GPHN: variants seen among roughly 807,000 people sequenced by gnomAD.
GPHN encodes the protein gephyrin.
A neutral mutation model predicts 95.5 loss-of-function variants in GPHN; 17 were observed. The observed-to-expected ratio is 0.18, with a 90% CI of 0.12 to 0.27. GPHN has a LOEUF of 0.27. GPHN is among the 10% of genes least tolerant of loss of function. The probability of loss-of-function intolerance (pLI) is 1.00; values close to 1 mark genes in which losing one functional copy is unlikely to be tolerated. For missense variants in GPHN, 660 were observed against 978.1 expected (o/e 0.67, Z 4.34); for synonymous variants, 320 against 322.5 (o/e 0.99, Z 0.08).
chr14:67,589,469 CT>C, the GPHN span: 1 of 985,038 alleles, frequency 1.0e-6, no homozygotes, highest in South Asian at 4.7e-5. Flanking sequence ...TATTAATGTG[CT>C]TGACACCATG....
chr14:67,171,960 T>C (rs2082625683), intron 21 of GPHN, among the ~76,000 whole-genome samples: 1 of 152,108 alleles, frequency 6.6e-6, no homozygotes, highest in Non-Finnish European at 1.5e-5. Context: ...CTCACAAGCA[T>C]GAAGCCCAGC....
the GPHN span, among the ~76,000 whole-genome samples, chr14:67,507,119 C>T: frequency 1.3e-5 from 2 of 152,126 alleles, no homozygotes; most frequent in African/African-American, 2.4e-5. Flanking sequence ...TTTAGCCTTG[C>T]CCTTTCAGGT....
intron 3 of GPHN, among the ~76,000 whole-genome samples, chr14:66,782,601 C>T (rs900805487): frequency 2.6e-4 from 39 of 152,100 alleles, no homozygotes; most frequent in African/African-American, 8.7e-4. Flanking sequence ...GGGCGGATCA[C>T]GAGGTCAGGA....
the GPHN span, among the ~76,000 whole-genome samples, chr14:67,646,094 C>G: frequency 6.6e-6 from 1 of 152,228 alleles, no homozygotes; most frequent in Admixed American, 6.5e-5. Flanking sequence ...CTCAGACACA[C>G]TGATCTAGAA....
the GPHN span, among the ~76,000 whole-genome samples, chr14:67,563,242 G>A: frequency 6.6e-6 from 1 of 152,200 alleles, no homozygotes; most frequent in African/African-American, 2.4e-5. Context: ...CACTAGGGTT[G>A]AACTGTTAAC....
At chr14:67,571,991 G>A in the GPHN span, 1 of 1,506,590 alleles carries the variant, frequency 6.6e-7, no homozygotes, top group Non-Finnish European at 9.0e-7. Flanking sequence ...GTCCCCACTT[G>A]ATCTGAGCTC....
chr14:67,393,981 G>T, the GPHN span, among the ~76,000 whole-genome samples: 1 of 152,126 alleles, frequency 6.6e-6, no homozygotes, highest in Non-Finnish European at 1.5e-5. Flanking sequence ...ACTTCTGTTT[G>T]TAAGTCCCTA....
At chr14:66,560,756 T>C (rs1415370556) in intron 1 of GPHN, among the ~76,000 whole-genome samples, 1 of 152,198 alleles carries the variant, frequency 6.6e-6, no homozygotes, top group Non-Finnish European at 1.5e-5. Flanking sequence ...CTGATTGTTC[T>C]GGCCAGAACT....
At chr14:67,327,840 AG>A in the GPHN span, among the ~76,000 whole-genome samples, 1 of 152,234 alleles carries the variant, frequency 6.6e-6, no homozygotes, top group African/African-American at 2.4e-5. Context: ...TTGGCTGCAT[AG>A]TATTCCATGG....
At chr14:67,091,680 C>T (rs539063413) in intron 12 of GPHN, among the ~76,000 whole-genome samples, 1 of 151,504 alleles carries the variant, frequency 6.6e-6, no homozygotes, top group East Asian at 1.9e-4. Context: ...GAGCTAGCAG[C>T]AGCTCAATTA....
At chr14:67,691,219 G>T in the GPHN span, 1 of 1,613,844 alleles carries the variant, frequency 6.2e-7, no homozygotes, top group African/African-American at 1.3e-5. Flanking sequence ...CTGCATTGTT[G>T]ATCAAAACGT....
chr14:67,266,866 T>C, the GPHN span, among the ~76,000 whole-genome samples: 2 of 151,990 alleles, frequency 1.3e-5, no homozygotes, highest in Non-Finnish European at 2.9e-5. Flanking sequence ...TCCCAGCATG[T>C]TGGGAGGCCG....
At chr14:66,909,307 A>G (rs1426733613) in intron 5 of GPHN, among the ~76,000 whole-genome samples, 1 of 152,080 alleles carries the variant, frequency 6.6e-6, no homozygotes, top group Non-Finnish European at 1.5e-5. Context: ...AAACGTAAAC[A>G]TTTCTCAATT....
At position 67,111,670 on chromosome 14, in the gene GPHN, G is replaced by A. The variant is rs765578102; in HGVS notation, c.1414-191G>A. ...TGGAGAAAAAAATTTTTTATTTATT[G>A]GCACCAAACCTTCTAATTTTTCAGG... On this transcript the variant is annotated intron_variant, in intron 14 of 22. Coordinates refer to ENST00000478722, the MANE Select transcript of GPHN (RefSeq NM_020806.5). 3.7e-4 allele frequency among the ~76,000 whole-genome samples: 56 copies of A among 152,018 alleles called. 1 individual carries two copies. The highest frequency in any genetic ancestry group is 5.4e-4 in the Non-Finnish European group (37 of 67,938).
chr14:67,408,354 T>TA, the GPHN span, among the ~76,000 whole-genome samples: 4,719 of 134,586 alleles, frequency 0.035, 504 homozygotes, highest in East Asian at 0.35. Context: ...TAAAATAAAA[T>TA]AAAAAAAGAA....
At chr14:67,625,974 C>T in the GPHN span, among the ~76,000 whole-genome samples, 8 of 152,174 alleles carry the variant, frequency 5.3e-5, no homozygotes, top group African/African-American at 1.7e-4. Flanking sequence ...ACTACAATGG[C>T]CGGGTGTGGC....
the GPHN span, among the ~76,000 whole-genome samples, chr14:67,430,901 A>T: frequency 1.3e-4 from 20 of 152,286 alleles, no homozygotes; most frequent in Middle Eastern, 6.8e-3. Flanking sequence ...CAAAGTGTGC[A>T]GGGCTGGGGA....
chr14:66,610,428 C>A (rs2062731452), intron 1 of GPHN, among the ~76,000 whole-genome samples: 1 of 152,008 alleles, frequency 6.6e-6, no homozygotes, highest in African/African-American at 2.4e-5. Context: ...TCTATGTTGC[C>A]TTTGAACTCT....
rs143974971 is a variant in GPHN at position 66,724,145 on chromosome 14, T to C, written c.143+42960T>C. Among the ~76,000 whole-genome samples the C allele has an allele frequency of 4.6e-3, 699 of 152,312 alleles. 5 individuals carry two copies. The highest frequency in any genetic ancestry group is 0.017 in the Middle Eastern group (5 of 294). On this transcript the variant is annotated intron_variant, in intron 2 of 22. Transcript: ENST00000478722. ...TTGTCTTTTCGCCAGCTTATACTTT[T>C]ATTCAATTTGTGATTCTGGCATATG...
Sources: allele counts gnomAD v4.1 joint callset (sites outside exome capture counted in the v4.1 genomes callset), GRCh38; gene constraint gnomAD v4.1.1; transcripts MANE v1.5; gene names NCBI Gene and HGNC (gene_info 2026-07-23, HGNC 2026-07-21).